Variants in VEZT observed in about 807,000 individuals in gnomAD.
VEZT encodes vezatin.
In VEZT, 39 loss-of-function variants were observed where a neutral mutation model predicts 79.9. That is an observed-to-expected ratio of 0.49 (90% CI 0.38 to 0.64). VEZT has a LOEUF of 0.64. Ranked by LOEUF, VEZT falls within the 30% of genes least tolerant of loss-of-function variation. The pLI is 0.00. For missense variants in VEZT, 837 were observed against 893.1 expected (o/e 0.94, Z 0.80); for synonymous variants, 325 against 327.6 (o/e 0.99, Z 0.09).
intron 1 of VEZT, among the ~76,000 whole-genome samples, chr12:95,228,527 A>G (rs2058808991): frequency 6.6e-6 from 1 of 152,118 alleles, no homozygotes; most frequent in Admixed American, 6.5e-5. Context: ...TTTTTAATAT[A>G]TCCTGAGTTT....
At chr12:95,274,988 T>C in intron 7 of VEZT, 99 bp downstream of exon 7, 1 of 1,400,610 alleles carries the variant, frequency 7.1e-7, no homozygotes, top group Non-Finnish European at 9.6e-7. Flanking sequence ...TTCCACTCAT[T>C]GTTTGCTGCA....
intron 1 of VEZT, among the ~76,000 whole-genome samples, chr12:95,236,427 G>T (rs1446256730): frequency 6.6e-6 from 1 of 152,088 alleles, no homozygotes; most frequent in African/African-American, 2.4e-5. Flanking sequence ...GAGAGGGAGA[G>T]GGAGACTGTG....
intron 9 of VEZT, among the ~76,000 whole-genome samples, chr12:95,291,774 A>T (rs1357541672): frequency 6.6e-6 from 1 of 152,132 alleles, no homozygotes; most frequent in Admixed American, 6.5e-5. Context: ...GTGGGTTTTT[A>T]AAATTTTTTT....
Position 95,300,626 on chromosome 12 carries a change from G to C in VEZT, c.2293G>C (p.Glu765Gln). ...GGAACAGACTTTTGGTGGTGAGGAG[G>C]AAGAACAAATAATAGAAGAAAATAA... Reference protein sequence around the residue: ...MQEQTFGGEEEEQIIEENKNE... With the variant: ...MQEQTFGGEEQEQIIEENKNE... Residue 765 changes from glutamate (E) to glutamine (Q), a missense_variant, in exon 12 of 12, where the codon GAA (glutamate) becomes CAA (glutamine). Transcript: ENST00000436874. 1 of 1,601,662 alleles carries C rather than the reference G, an allele frequency of 6.2e-7. No individual in the cohort carries two copies. Among genetic ancestry groups the C allele is most frequent in the Admixed American group, 1.7e-5 (1 of 58,326 alleles).
intron 1 of VEZT, among the ~76,000 whole-genome samples, chr12:95,223,286 A>T (rs566126069): frequency 6.6e-6 from 1 of 152,244 alleles, no homozygotes; most frequent in South Asian, 2.1e-4. Flanking sequence ...CTTTTATTAA[A>T]TTTTTCCAAC....
intron 1 of VEZT, among the ~76,000 whole-genome samples, chr12:95,225,761 C>CAAAAAAA (rs531470163): frequency 3.7e-4 from 15 of 40,874 alleles, no homozygotes; most frequent in East Asian, 9.9e-4. Flanking sequence ...TGTTTCATAG[C>CAAAAAAA]AAAAAAAAAA....
chr12:95,284,022 C>T (rs2069882680), intron 8 of VEZT, among the ~76,000 whole-genome samples: 1 of 152,128 alleles, frequency 6.6e-6, no homozygotes, highest in South Asian at 2.1e-4. Flanking sequence ...TATTAGAATG[C>T]ATTTGAGTGA....
At chr12:95,218,165 C>G (rs937348362) in intron 1 of VEZT, 2 of 316,286 alleles carry the variant, frequency 6.3e-6, no homozygotes, top group Non-Finnish European at 1.2e-5. Flanking sequence ...TCTCTTCCTT[C>G]CTGGGAATGG....
intron 1 of VEZT, among the ~76,000 whole-genome samples, chr12:95,249,652 CT>C (rs1399008603): frequency 6.6e-6 from 1 of 152,190 alleles, no homozygotes; most frequent in Non-Finnish European, 1.5e-5. Flanking sequence ...CTTCCTTATT[CT>C]TCTGAATGCA....
intron 9 of VEZT, 147 bp from the exon 10 acceptor site, chr12:95,294,125 G>A (rs987269025): frequency 3.0e-5 from 17 of 571,442 alleles, no homozygotes; most frequent in African/African-American, 1.1e-4. Context: ...GGGCTCAAGC[G>A]ATCCTCCTGC....
In VEZT at chr12:95,257,149, G is replaced by A; in HGVS notation, c.169-1G>A. On this transcript the variant is annotated splice_acceptor_variant, in intron 2 of 11. Coordinates refer to ENST00000436874, the MANE Select transcript of VEZT (RefSeq NM_017599.4). LOFTEE classifies it high-confidence loss of function. ...TATACAATGTCATTCATTTCCTTCA[G>A]CAAGGTATCCTGTTAAAAGTGGCTG... The A allele has an allele frequency of 6.2e-7, 1 of 1,607,672 alleles. No individual in the cohort carries two copies. Among genetic ancestry groups the A allele is most frequent in the South Asian group, 1.1e-5 (1 of 89,592 alleles).
At chr12:95,237,585 C>T (rs1315049116) in intron 1 of VEZT, among the ~76,000 whole-genome samples, 1 of 152,148 alleles carries the variant, frequency 6.6e-6, no homozygotes, top group Non-Finnish European at 1.5e-5. Flanking sequence ...ACACTCACCA[C>T]GTATAGCCCC....
At chr12:95,287,952 A>G in intron 9 of VEZT, 95 bp downstream of exon 9, 4 of 1,089,378 alleles carry the variant, frequency 3.7e-6, no homozygotes, top group Non-Finnish European at 4.9e-6. Flanking sequence ...CTTTATGATG[A>G]AACTAGCTTC....
In VEZT at chr12:95,270,242, A is replaced by G. The variant is rs975110430; in HGVS notation, c.848+54A>G. On this transcript the variant is annotated intron_variant, in intron 6 of 11. Coordinates refer to ENST00000436874, the MANE Select transcript of VEZT (RefSeq NM_017599.4). ...AAGCAATGTTTCTGGAGTCCTGAAT[A>G]TAGATATTATAGTTGTATCCTGTGA... The G allele has an allele frequency of 4.0e-6, 6 of 1,497,572 alleles. No homozygotes were observed. In the Admixed American group the frequency reaches 7.4e-5, roughly 18 times the overall value. The allele number at this position is 1,497,572 out of a possible 1,614,324, so 92.8% of individuals were successfully genotyped here. A position where few individuals can be genotyped will look rare whatever the true frequency, so the allele number is the denominator to read the frequency against.
At chr12:95,250,303 ATT>A (rs202062093) in intron 1 of VEZT, among the ~76,000 whole-genome samples, 5 of 116,570 alleles carry the variant, frequency 4.3e-5, no homozygotes, top group African/African-American at 6.7e-5. Flanking sequence ...TAATTTTTTA[ATT>A]TTTTTTTTTT....
intron 1 of VEZT, among the ~76,000 whole-genome samples, chr12:95,242,909 T>C (rs904935168): frequency 2.7e-5 from 4 of 150,492 alleles, no homozygotes; most frequent in Non-Finnish European, 5.9e-5. Flanking sequence ...AGTAAAATGA[T>C]ATTTTCCCCA....
At chr12:95,238,633 G>C (rs2060492747) in intron 1 of VEZT, among the ~76,000 whole-genome samples, 1 of 152,138 alleles carries the variant, frequency 6.6e-6, no homozygotes, top group Non-Finnish European at 1.5e-5. Flanking sequence ...ATTCACATTT[G>C]ACTATCTCAT....
intron 7 of VEZT, 132 bp downstream of exon 7, chr12:95,275,021 G>A (rs750260098): frequency 1.6e-5 from 17 of 1,078,878 alleles, no homozygotes; most frequent in Non-Finnish European, 2.0e-5. Flanking sequence ...AAATGCACGG[G>A]TGATGTTTGT....
At chr12:95,258,774 T>TA (rs1434634023) in intron 3 of VEZT, among the ~76,000 whole-genome samples, 1 of 152,222 alleles carries the variant, frequency 6.6e-6, no homozygotes, top group Non-Finnish European at 1.5e-5. Flanking sequence ...TCACACGTGT[T>TA]ATCTTATTTG....
Sources: allele counts gnomAD v4.1 joint callset (sites outside exome capture counted in the v4.1 genomes callset), GRCh38; gene constraint gnomAD v4.1.1; transcripts MANE v1.5; gene names NCBI Gene and HGNC (gene_info 2026-07-23, HGNC 2026-07-21).